The following PALM variants were observed in gnomAD, a reference collection of about 807,000 sequenced individuals.
PALM encodes the protein paralemmin-1.
Under a neutral mutation model 30.7 loss-of-function variants are expected in PALM, and 18 were observed. The observed-to-expected ratio is 0.59, with a 90% confidence interval of 0.41 to 0.87. The LOEUF is 0.87. Ranked by LOEUF, PALM falls within the 40% of genes least tolerant of loss-of-function variation. The pLI, the probability that PALM is intolerant of heterozygous loss-of-function variation, is 0.00. For synonymous variants in PALM, 286 were observed against 242.8 expected, an observed-to-expected ratio of 1.18 and a Z score of -1.66; for missense variants, 529 against 555.4, an observed-to-expected ratio of 0.95 and a Z score of 0.48.
At chr19:725,694 G>A (rs2032638475) in intron 1 of PALM, among the ~76,000 whole-genome samples, 1 of 152,152 alleles carries the variant, frequency 6.6e-6, no homozygotes, top group Admixed American at 6.5e-5. Flanking sequence ...GGGAGGTGGG[G>A]CTGGTGGGTC....
chr19:726,863 G>A (rs955024562), intron 2 of PALM, 145 bp from the exon 3 acceptor site: 84 of 618,146 alleles, frequency 1.4e-4, no homozygotes, highest in Admixed American at 4.0e-4. Context: ...ACAGTGGTGC[G>A]ATCCGCTGTC....
At chr19:710,413 C>T (rs1000913947) in intron 1 of PALM, among the ~76,000 whole-genome samples, 7 of 152,326 alleles carry the variant, frequency 4.6e-5, no homozygotes, top group Admixed American at 2.0e-4. Context: ...TGCTCCACAC[C>T]CCCACCCCCC....
chr19:740,080 G>A (rs891919446), intron 7 of PALM, among the ~76,000 whole-genome samples: 2 of 152,250 alleles, frequency 1.3e-5, no homozygotes, highest in Admixed American at 1.3e-4. Flanking sequence ...GCAGAGTACA[G>A]GGACGAGGAC....
chr19:741,959 G>T lies in PALM; in HGVS notation c.634+1476G>T, dbSNP rs375034609. 2.0e-3 allele frequency among the ~76,000 whole-genome samples: 312 copies of T among 152,320 alleles called. 1 individual carries two copies. Among genetic ancestry groups the T allele is most frequent in the South Asian group, 0.012 (58 of 4,830 alleles). ...GCTCCTGGGCTCAGGCGATCCTCCT[G>T]CCTCGGCCTCCCGAAATGCTGAGAC... On this transcript the variant is annotated intron_variant, in intron 8 of 8. Coordinates refer to ENST00000338448, the MANE Select transcript of PALM (RefSeq NM_002579.3).
At chr19:721,027 GC>G (rs961905634) in intron 1 of PALM, among the ~76,000 whole-genome samples, 1 of 152,210 alleles carries the variant, frequency 6.6e-6, no homozygotes, top group African/African-American at 2.4e-5. Flanking sequence ...ATCTGGCTGT[GC>G]CCAGGGCCAC....
intron 1 of PALM, chr19:719,723 G>A (rs972056868): frequency 8.1e-6 from 6 of 741,532 alleles, no homozygotes; most frequent in Admixed American, 1.3e-4. Flanking sequence ...CCTGGTCCCA[G>A]CCTCGCCGAT....
At chr19:720,417 AGGGGGGCGCCGGGTCTGGGGAGGGG>A (rs2032431273) in intron 1 of PALM, among the ~76,000 whole-genome samples, 1 of 51,462 alleles carries the variant, frequency 1.9e-5, no homozygotes, top group Non-Finnish European at 4.0e-5. Context: ...GGGAGGGGCG[AGGGGGGCGCCGGGTCTGGGGAGGGG>A]CAAGGGGGGC....
chr19:719,184 C>A, intron 1 of PALM: 1 of 985,202 alleles, frequency 1.0e-6, no homozygotes, highest in Non-Finnish European at 1.2e-6. Flanking sequence ...AGGACGAGTG[C>A]GACGCCCCCA....
intron 4 of PALM, among the ~76,000 whole-genome samples, chr19:730,246 G>A (rs2032828859): frequency 6.6e-6 from 1 of 152,158 alleles, no homozygotes; most frequent in South Asian, 2.1e-4. Flanking sequence ...GGGGACACAA[G>A]TCTGGCTCTG....
chr19:723,574 G>C (rs561548955), intron 1 of PALM, among the ~76,000 whole-genome samples: 2 of 152,096 alleles, frequency 1.3e-5, no homozygotes, highest in Non-Finnish European at 2.9e-5. Context: ...GGTGCTCCTT[G>C]CGTTTTTCTT....
At position 723,791 on chromosome 19, in the gene PALM, C is replaced by T. The variant is rs76683667; in HGVS notation, c.6-2347C>T. 5.6e-3 allele frequency among the ~76,000 whole-genome samples: 858 copies of T among 152,100 alleles called. 5 individuals are homozygous for T. The highest frequency in any genetic ancestry group is 0.02 in the African/African-American group (814 of 41,486). ...TTTTTTGGTAGAGACGGGGTTTTACCGTCTCTGTTGGCCAGGCTGGTCTCG... is the reference window on the plus strand; with the variant it reads ...TTTTTTGGTAGAGACGGGGTTTTACTGTCTCTGTTGGCCAGGCTGGTCTCG... On this transcript the variant is annotated intron_variant, in intron 1 of 8. Coordinates refer to ENST00000338448, the MANE Select transcript of PALM (RefSeq NM_002579.3).
At chr19:726,984 G>GACCCCCCCCCCCCCCCCCCCCCCCCC in intron 2 of PALM, 24 bp from the exon 3 acceptor site, 1 of 1,183,058 alleles carries the variant, frequency 8.5e-7, no homozygotes, top group East Asian at 2.8e-5. Flanking sequence ...GCCCATCCCT[G>GACCCCCCCCCCCCCCCCCCCCCCCCC]ACCCCACCCG....
intron 1 of PALM, among the ~76,000 whole-genome samples, chr19:720,087 C>T (rs2032409624): frequency 6.6e-6 from 1 of 151,932 alleles, no homozygotes; most frequent in South Asian, 2.1e-4. Context: ...CCCCCAGCCG[C>T]AGCGCGGGGG....
rs948234944 is a variant in PALM, at chr19:742,851, A to G, written c.634+2368A>G. On this transcript the variant is annotated intron_variant, in intron 8 of 8. Coordinates refer to ENST00000338448, the MANE Select transcript of PALM (RefSeq NM_002579.3). The surrounding 1 kb of genome is among the most constrained non-coding windows in gnomAD (Gnocchi z 5.5). The stretch of plus-strand genomic sequence containing the variant: ...CTACCCTTTGGCTGCAGTGAGTAGC[A>G]TGCTGGGGAATTTGTGTGCAAGTAT... Among the ~76,000 whole-genome samples, 2 of 152,132 alleles carry G rather than the reference A, an allele frequency of 1.3e-5. No homozygotes were observed. Among genetic ancestry groups the G allele is most frequent in the African/African-American group, 4.8e-5 (2 of 41,422 alleles).
Position 746,464 on chromosome 19 carries a change from G to A in PALM, c.814G>A (p.Glu272Lys), listed in dbSNP as rs1172674595. 1 of 1,609,198 alleles carries A rather than the reference G, an allele frequency of 6.2e-7. No homozygotes were observed. Residue 272 changes from glutamate (E) to lysine (K), a missense_variant, in exon 9 of 9, where the codon GAG becomes AAG. Transcript: ENST00000338448. The surrounding 1 kb of genome is among the most constrained non-coding windows in gnomAD (Gnocchi z 7.1). ...GAARTTPSRR[E>K]ITGVQAQPGE... is the part of the protein sequence containing the mutation. ...AGCCCGGACCACGCCCTCCCGGCGG[G>A]AGATCACCGGTGTGCAGGCACAGCC...
chr19:720,761 A>G lies in PALM; in HGVS notation c.6-5377A>G, dbSNP rs371729983. Reference sequence around the variant, plus strand: ...CGGCCGGGCAGGGACAGGCTGCCCCAGACACTACCGCCTTGTCTCCAGCCT... The same window carrying G: ...CGGCCGGGCAGGGACAGGCTGCCCCGGACACTACCGCCTTGTCTCCAGCCT... On this transcript the variant is annotated intron_variant, in intron 1 of 8. Coordinates refer to ENST00000338448, the MANE Select transcript of PALM (RefSeq NM_002579.3). Among the ~76,000 whole-genome samples the G allele has an allele frequency of 5.9e-5, 9 of 152,122 alleles. No individual in the cohort carries two copies. In the East Asian group the frequency reaches 1.6e-3, roughly 26 times the overall value.
At chr19:729,701 A>T (rs2032810885) in intron 4 of PALM, among the ~76,000 whole-genome samples, 1 of 151,796 alleles carries the variant, frequency 6.6e-6, no homozygotes, top group South Asian at 2.1e-4. Flanking sequence ...ACCTCAGCTG[A>T]TCCGCCCGCC....
At position 713,891 on chromosome 19, in the gene PALM, T is replaced by C. The variant is rs377337847; in HGVS notation, c.5+4740T>C. Reference sequence around the variant, plus strand: ...GCCACCATGCCCAGCCTATGTTCTTTTTTTCTTTCTTTCTTTCTTTTTTTT... The same window carrying C: ...GCCACCATGCCCAGCCTATGTTCTTCTTTTCTTTCTTTCTTTCTTTTTTTT... On this transcript the variant is annotated intron_variant, in intron 1 of 8. Coordinates refer to ENST00000338448, the MANE Select transcript of PALM (RefSeq NM_002579.3). Among the ~76,000 whole-genome samples the C allele has an allele frequency of 2.1e-5, 3 of 145,044 alleles. No individual in the cohort carries two copies. In the Admixed American group the frequency reaches 2.1e-4, roughly 10 times the overall value.
chr19:726,965 G>A, intron 2 of PALM, 43 bp from the exon 3 acceptor site: 1 of 1,037,616 alleles, frequency 9.6e-7, no homozygotes, highest in South Asian at 1.3e-5. Flanking sequence ...GGGTCTCCGG[G>A]ACCCCCACGC....
Sources: gnomAD v4.1 joint callset for allele counts (sites outside exome capture counted in the v4.1 genomes callset) on GRCh38, gnomAD v4.1.1 for gene constraint, Gnocchi (gnomAD v3.1) non-coding constraint, MANE v1.5 for transcripts, NCBI Gene and HGNC (gene_info 2026-07-23, HGNC 2026-07-21) for gene names.